The following SCARA5 variants were observed in gnomAD, a reference collection of about 807,000 sequenced individuals.
The protein encoded by SCARA5 is scavenger receptor class A member 5, also known as scavenger receptor class A, member 5 (putative).
SCARA5 carries 45 observed loss-of-function variants against 46.3 expected under a neutral mutation model. The ratio of observed to expected loss-of-function variants is 0.97; its 90% confidence interval spans 0.76 to 1.24. The LOEUF (loss-of-function observed/expected upper bound fraction) is 1.24. Among genes scored for constraint, SCARA5 ranks in the 50% most tolerant of loss-of-function variants. The pLI, the probability that SCARA5 is intolerant of heterozygous loss-of-function variation, is 0.00. For missense variants in SCARA5, 680 were observed against 689.0 expected (o/e 0.99, Z 0.15); for synonymous variants, 333 against 306.5 (o/e 1.09, Z -0.90).
In SCARA5 at chr8:27,942,563, G is replaced by A. The variant is rs191341036; in HGVS notation, c.242-20318C>T. ...ATGCCTGGATCCAGAGCTGCCTTCCGATGCCCCGGCCTCTGGGAGAGTTTA... is the reference window on the plus strand; with the variant it reads ...ATGCCTGGATCCAGAGCTGCCTTCCAATGCCCCGGCCTCTGGGAGAGTTTA... On this transcript the variant is annotated intron_variant, in intron 3 of 8. Transcript: ENST00000354914. 1.2e-3 allele frequency among the ~76,000 whole-genome samples: 178 copies of A among 152,278 alleles called. 1 individual carries two copies. Among genetic ancestry groups the A allele is most frequent in the African/African-American group, 4.1e-3 (169 of 41,560 alleles).
intron 3 of SCARA5, among the ~76,000 whole-genome samples, chr8:27,935,448 C>T (rs1279520864): frequency 1.3e-5 from 2 of 152,296 alleles, no homozygotes; most frequent in East Asian, 3.9e-4. Context: ...GTAGGTGTCA[C>T]CCATAAAGAC....
chr8:27,986,637 G>A lies in SCARA5; in HGVS notation c.112+867C>T, dbSNP rs111449833. On this transcript the variant is annotated intron_variant, in intron 2 of 8. Coordinates refer to ENST00000354914, the MANE Select transcript of SCARA5 (RefSeq NM_173833.6). ...GACTCTCCCCACTCTAAGCCACCAC[G>A]GTTCTTTCCCTACACTCAGCGCCTT... Among the ~76,000 whole-genome samples the A allele has an allele frequency of 1.1e-3, 164 of 151,722 alleles. 1 individual carries two copies. Among genetic ancestry groups the A allele is most frequent in the African/African-American group, 3.4e-3 (141 of 41,436 alleles).
At chr8:27,989,133 T>C (rs1468513532) in intron 1 of SCARA5, among the ~76,000 whole-genome samples, 7 of 123,138 alleles carry the variant, frequency 5.7e-5, no homozygotes, top group East Asian at 4.3e-4. Flanking sequence ...TTCTTTCTTT[T>C]TTTTTTTTTT....
intron 1 of SCARA5, among the ~76,000 whole-genome samples, chr8:27,991,448 A>G (rs1274562851): frequency 2.6e-5 from 4 of 152,166 alleles, no homozygotes; most frequent in Non-Finnish European, 5.9e-5. Context: ...GTAAAAGGCA[A>G]TCGCGAATGC....
chr8:27,909,797 C>T, intron 4 of SCARA5, 54 bp from the exon 5 acceptor site: 1 of 1,247,054 alleles, frequency 8.0e-7, no homozygotes, highest in Non-Finnish European at 1.1e-6. Context: ...GAAACAGGAC[C>T]AGGTCATCTG....
intron 3 of SCARA5, among the ~76,000 whole-genome samples, chr8:27,939,326 T>C (rs1056265757): frequency 2.6e-5 from 4 of 152,192 alleles, no homozygotes; most frequent in Non-Finnish European, 4.4e-5. Flanking sequence ...AGATGACCAG[T>C]GCAAGTGGCT....
intron 7 of SCARA5, among the ~76,000 whole-genome samples, chr8:27,902,545 A>G (rs1473818103): frequency 6.6e-6 from 1 of 152,220 alleles, no homozygotes; most frequent in Non-Finnish European, 1.5e-5. Flanking sequence ...AAGAGCCACC[A>G]GAGAATTCCC....
At chr8:27,976,791 G>A (rs1430173670) in intron 2 of SCARA5, among the ~76,000 whole-genome samples, 1 of 152,132 alleles carries the variant, frequency 6.6e-6, no homozygotes, top group Non-Finnish European at 1.5e-5. Context: ...CCAGAGGAGG[G>A]AGCTCAGCAG....
intron 3 of SCARA5, among the ~76,000 whole-genome samples, chr8:27,957,863 G>A (rs889719602): frequency 6.6e-6 from 1 of 152,252 alleles, no homozygotes; most frequent in Non-Finnish European, 1.5e-5. Context: ...GATCAGTGAA[G>A]CCTAGCATGG....
chr8:27,987,377 A>C, intron 2 of SCARA5, 127 bp downstream of exon 2: 1 of 694,092 alleles, frequency 1.4e-6, no homozygotes, highest in South Asian at 1.6e-5. Context: ...ATAAAGTTCA[A>C]TATATGCACT....
intron 7 of SCARA5, among the ~76,000 whole-genome samples, chr8:27,882,414 G>C (rs1486894513): frequency 1.3e-5 from 2 of 152,204 alleles, no homozygotes; most frequent in Non-Finnish European, 1.5e-5. Context: ...ATATCAAGGA[G>C]TGTGATTACC....
intron 7 of SCARA5, among the ~76,000 whole-genome samples, chr8:27,899,149 C>G (rs1807111023): frequency 6.6e-6 from 1 of 152,212 alleles, no homozygotes; most frequent in Admixed American, 6.5e-5. Flanking sequence ...GTTCTGGAAG[C>G]TTGGATTTGA....
chr8:27,873,798 G>C (rs1806680674), intron 8 of SCARA5, among the ~76,000 whole-genome samples: 1 of 152,222 alleles, frequency 6.6e-6, no homozygotes, highest in South Asian at 2.1e-4. Flanking sequence ...GAGGAGGGCA[G>C]ATCGTTGAGA....
chr8:27,898,476 A>C (rs1323613838), intron 7 of SCARA5, among the ~76,000 whole-genome samples: 1 of 152,228 alleles, frequency 6.6e-6, no homozygotes, highest in African/African-American at 2.4e-5. Flanking sequence ...ACTTGGATTT[A>C]AGATTTGTTA....
intron 3 of SCARA5, among the ~76,000 whole-genome samples, chr8:27,948,506 G>A (rs542331950): frequency 1.1e-4 from 16 of 152,368 alleles, no homozygotes; most frequent in South Asian, 4.1e-4. Flanking sequence ...CCGTTCCACC[G>A]GCAGGTCAGG....
intron 8 of SCARA5, among the ~76,000 whole-genome samples, chr8:27,873,801 C>A (rs978363835): frequency 3.3e-5 from 5 of 152,202 alleles, no homozygotes; most frequent in African/African-American, 1.2e-4. Flanking sequence ...GAGGGCAGAT[C>A]GTTGAGATCA....
chr8:27,973,549 G>T lies in SCARA5; in HGVS notation c.113-7007C>A, dbSNP rs1808478322. On this transcript the variant is annotated intron_variant, in intron 2 of 8. Transcript: ENST00000354914. ...ATCCAGGGTCTCTGCTTGCTTCTTTGTGCCCATGCAGGTAAACTGTAGAAG... is the reference window on the plus strand; with the variant it reads ...ATCCAGGGTCTCTGCTTGCTTCTTTTTGCCCATGCAGGTAAACTGTAGAAG... Among the ~76,000 whole-genome samples, 2 of 152,076 alleles carry T rather than the reference G, an allele frequency of 1.3e-5. 1 individual carries two copies. Among genetic ancestry groups the T allele is most frequent in the South Asian group, 4.1e-4 (2 of 4,820 alleles).
intron 8 of SCARA5, among the ~76,000 whole-genome samples, chr8:27,875,048 C>T (rs875164): frequency 0.51 from 77,492 of 152,086 alleles, 19,876 homozygotes; most frequent in East Asian, 0.59. Flanking sequence ...TGGTGCCAGA[C>T]CCCTGGGAGA....
intron 7 of SCARA5, among the ~76,000 whole-genome samples, chr8:27,901,538 G>C (rs556444151): frequency 4.6e-5 from 7 of 152,218 alleles, no homozygotes; most frequent in Non-Finnish European, 8.8e-5. Context: ...GCTGAGCCTT[G>C]GCTCTCCCCC....
Sources: allele counts gnomAD v4.1 joint callset (sites outside exome capture counted in the v4.1 genomes callset), GRCh38; gene constraint gnomAD v4.1.1; transcripts MANE v1.5; gene names NCBI Gene and HGNC (gene_info 2026-07-23, HGNC 2026-07-21).